Variants in PRR16 observed in about 807,000 individuals in gnomAD.
PRR16 encodes the protein proline rich 16.
Under a neutral mutation model 18.2 loss-of-function variants are expected in PRR16, and 6 were observed. That is an observed-to-expected ratio of 0.33 (90% CI 0.18 to 0.65). PRR16 has a LOEUF of 0.65. Ranked by LOEUF, PRR16 falls within the 30% of genes least tolerant of loss-of-function variation. The pLI is 0.74. For synonymous variants in PRR16, 151 were observed against 147.8 expected (o/e 1.02, Z -0.16); for missense variants, 412 against 376.6 (o/e 1.09, Z -0.78).
At chr5:120,695,932 T>G in the PRR16 span, among the ~76,000 whole-genome samples, 1 of 19,004 alleles carries the variant, frequency 5.3e-5, no homozygotes, top group Non-Finnish European at 1.3e-4. Flanking sequence ...TATATATGTG[T>G]GTGTGTATAT....
chr5:120,741,452 TTTTA>T, the PRR16 span, among the ~76,000 whole-genome samples: 1 of 152,212 alleles, frequency 6.6e-6, no homozygotes, highest in Non-Finnish European at 1.5e-5. Context: ...TTCTTGAAAC[TTTTA>T]TTTCTTTTTC....
At chr5:120,532,533 T>C (rs1302017961) in intron 1 of PRR16, among the ~76,000 whole-genome samples, 1 of 152,094 alleles carries the variant, frequency 6.6e-6, no homozygotes, top group Non-Finnish European at 1.5e-5. Flanking sequence ...TCAGACTTTA[T>C]AGCAATTCTT....
chr5:120,615,768 T>C (rs1754490355), intron 1 of PRR16, among the ~76,000 whole-genome samples: 1 of 152,158 alleles, frequency 6.6e-6, no homozygotes, highest in Non-Finnish European at 1.5e-5. Context: ...AGAAGTGTTT[T>C]CTGTCATCCA....
chr5:120,765,982 C>T, the PRR16 span, among the ~76,000 whole-genome samples: 1,462 of 152,018 alleles, frequency 9.6e-3, 25 homozygotes, highest in African/African-American at 0.034. Flanking sequence ...AAACATACCA[C>T]AATTTATTTA....
chr5:120,599,311 T>A (rs1385317877), intron 1 of PRR16, among the ~76,000 whole-genome samples: 2 of 151,918 alleles, frequency 1.3e-5, no homozygotes, highest in East Asian at 1.9e-4. Context: ...TCTAAACTTA[T>A]AAATTTTGCA....
intron 1 of PRR16, among the ~76,000 whole-genome samples, chr5:120,669,827 A>C (rs1756533777): frequency 6.6e-6 from 1 of 152,112 alleles, no homozygotes; most frequent in African/African-American, 2.4e-5. Context: ...TTAAAGTAAT[A>C]ATTCATAGAG....
intron 1 of PRR16, among the ~76,000 whole-genome samples, chr5:120,671,990 T>G (rs917364919): frequency 2.0e-5 from 3 of 152,212 alleles, no homozygotes; most frequent in Non-Finnish European, 4.4e-5. Flanking sequence ...TATTGTTCAT[T>G]TATTCAACAT....
At position 120,530,559 on chromosome 5, in the gene PRR16, T is replaced by G. The variant is rs554390436; in HGVS notation, c.159+65914T>G. On this transcript the variant is annotated intron_variant, in intron 1 of 1. Transcript: ENST00000407149. ...ATTGTTTTCCTTTAAATACTTATGT[T>G]TTTCTTAACTAGTTAAAAAATTAGA... is the stretch of plus-strand genomic sequence containing the variant. 2.0e-5 allele frequency among the ~76,000 whole-genome samples: 3 copies of G among 152,052 alleles called. No homozygotes were observed. In the South Asian group the frequency reaches 6.2e-4, roughly 32 times the overall value.
At chr5:120,684,862 T>A (rs777876650) in intron 1 of PRR16, among the ~76,000 whole-genome samples, 3 of 152,206 alleles carry the variant, frequency 2.0e-5, no homozygotes, top group Admixed American at 6.5e-5. Context: ...ACCTCTCTCC[T>A]TAACGTGGGT....
intron 1 of PRR16, among the ~76,000 whole-genome samples, chr5:120,491,472 TCCTTTCCTTTCTTC>T (rs1304521439): frequency 7.5e-4 from 60 of 79,624 alleles, no homozygotes; most frequent in African/African-American, 2.2e-3. Flanking sequence ...TCCTTTCCTT[TCCTTTCCTTTCTTC>T]CTTCCTTCCT....
At chr5:120,638,098 G>C (rs1282425141) in intron 1 of PRR16, among the ~76,000 whole-genome samples, 1 of 152,076 alleles carries the variant, frequency 6.6e-6, no homozygotes, top group Non-Finnish European at 1.5e-5. Flanking sequence ...CAAATAGCCT[G>C]GAGGTAATGC....
intron 1 of PRR16, among the ~76,000 whole-genome samples, chr5:120,537,730 A>T (rs1172918836): frequency 6.6e-6 from 1 of 151,142 alleles, no homozygotes; most frequent in African/African-American, 2.4e-5. Flanking sequence ...ATAATTTTGT[A>T]GTCAGAGATG....
At chr5:120,730,466 T>C in the PRR16 span, among the ~76,000 whole-genome samples, 1 of 152,060 alleles carries the variant, frequency 6.6e-6, no homozygotes, top group South Asian at 2.1e-4. Flanking sequence ...ATACATAGAT[T>C]TGGGTGTCAT....
chr5:120,791,402 T>G, the PRR16 span, among the ~76,000 whole-genome samples: 6 of 152,168 alleles, frequency 3.9e-5, no homozygotes, highest in Admixed American at 3.9e-4. Context: ...TATTGAGAAT[T>G]AATTTTAATA....
In PRR16 at chr5:120,472,801, A is replaced by G. The variant is rs72786246; in HGVS notation, c.159+8156A>G. Among the ~76,000 whole-genome samples the G allele has an allele frequency of 3.7e-3, 557 of 152,276 alleles. 2 individuals are homozygous for G. The highest frequency in any genetic ancestry group is 5.0e-3 in the Non-Finnish European group (338 of 67,988). On this transcript the variant is annotated intron_variant, in intron 1 of 1. Coordinates refer to ENST00000407149, the MANE Select transcript of PRR16 (RefSeq NM_001300783.2). ...CAGTGTGAAAATAGGTGGTATATTT[A>G]TAATTCACGACTTTGCAAAAGCTGT...
the PRR16 span, among the ~76,000 whole-genome samples, chr5:120,779,248 G>A: frequency 6.6e-6 from 1 of 152,122 alleles, no homozygotes; most frequent in Non-Finnish European, 1.5e-5. Flanking sequence ...GAATAAAAAG[G>A]AAATTAAAAG....
chr5:120,599,235 C>G (rs1997003), intron 1 of PRR16, among the ~76,000 whole-genome samples: 1,750 of 151,800 alleles, frequency 0.012, 29 homozygotes, highest in African/African-American at 0.04. Flanking sequence ...CCTTCCTACC[C>G]CAGCTTTAAA....
chr5:120,529,538 G>A (rs898921540), intron 1 of PRR16, among the ~76,000 whole-genome samples: 15 of 152,092 alleles, frequency 9.9e-5, no homozygotes, highest in African/African-American at 3.1e-4. Flanking sequence ...ACAAACTCTG[G>A]TGATATTTAT....
intron 1 of PRR16, among the ~76,000 whole-genome samples, chr5:120,658,848 G>A (rs1345364155): frequency 6.6e-6 from 1 of 151,736 alleles, no homozygotes; most frequent in Non-Finnish European, 1.5e-5. Context: ...AAATTATCTT[G>A]CACTTGTTCA....
Sources: allele counts gnomAD v4.1 joint callset (sites outside exome capture counted in the v4.1 genomes callset), GRCh38; gene constraint gnomAD v4.1.1; transcripts MANE v1.5; gene names NCBI Gene and HGNC (gene_info 2026-07-23, HGNC 2026-07-21).